SND1: variants seen among roughly 807,000 people sequenced by gnomAD.
SND1 encodes the protein staphylococcal nuclease domain-containing protein 1.
SND1 carries 38 observed loss-of-function variants against 121.7 expected under a neutral mutation model. The ratio of observed to expected loss-of-function variants is 0.31; its 90% confidence interval spans 0.24 to 0.41. The LOEUF is 0.41. Among genes scored for constraint, SND1 ranks in the 10% least tolerant of loss-of-function variants. The pLI is 1.00. For synonymous variants in SND1, 401 were observed against 447.4 expected (o/e 0.90, Z 1.31); for missense variants, 868 against 1,184.6 (o/e 0.73, Z 3.92).
chr7:128,036,615 G>A (rs567343769), intron 16 of SND1, among the ~76,000 whole-genome samples: 6 of 152,302 alleles, frequency 3.9e-5, no homozygotes, highest in Non-Finnish European at 5.9e-5. Context: ...TAGTACAAAC[G>A]GTAAAGAGAT....
chr7:127,732,807 T>A (rs946713980), intron 10 of SND1, among the ~76,000 whole-genome samples: 4 of 152,212 alleles, frequency 2.6e-5, no homozygotes, highest in African/African-American at 9.7e-5. Flanking sequence ...AGTTTGTAGG[T>A]ATTGATTTCA....
intron 15 of SND1, among the ~76,000 whole-genome samples, chr7:127,970,944 TATAAATAA>T (rs139307706): frequency 6.6e-6 from 1 of 151,856 alleles, no homozygotes; most frequent in East Asian, 1.9e-4. Flanking sequence ...ACCCTGTCTC[TATAAATAA>T]ATAAATAAAT....
chr7:128,082,927 G>C (rs1793630537), intron 18 of SND1, among the ~76,000 whole-genome samples: 1 of 152,238 alleles, frequency 6.6e-6, no homozygotes, highest in South Asian at 2.1e-4. Flanking sequence ...GAAAACAAGA[G>C]AAAAGAGAAA....
At chr7:128,081,760 G>A (rs150520332) in intron 18 of SND1, 11 of 633,626 alleles carry the variant, frequency 1.7e-5, no homozygotes, top group African/African-American at 3.6e-5. Flanking sequence ...TCCTCTGGAC[G>A]CAGGTGAGAT....
chr7:127,753,030 G>C (rs1040246675), intron 10 of SND1, among the ~76,000 whole-genome samples: 1 of 152,150 alleles, frequency 6.6e-6, no homozygotes, highest in Non-Finnish European at 1.5e-5. Context: ...ACTCTGGTTT[G>C]TGTGGTTTGG....
chr7:127,817,517 A>AG (rs1343906557), intron 11 of SND1, among the ~76,000 whole-genome samples: 1 of 152,164 alleles, frequency 6.6e-6, no homozygotes, highest in Non-Finnish European at 1.5e-5. Flanking sequence ...ATTTGCCTGC[A>AG]GAAAAAAAAT....
intron 10 of SND1, among the ~76,000 whole-genome samples, chr7:127,752,031 G>A (rs1358417547): frequency 2.0e-5 from 3 of 152,230 alleles, no homozygotes; most frequent in Non-Finnish European, 4.4e-5. Flanking sequence ...ATATCTGATC[G>A]ATGGGGCCAG....
intron 10 of SND1, among the ~76,000 whole-genome samples, chr7:127,738,481 G>A (rs555123091): frequency 5.3e-5 from 8 of 152,016 alleles, no homozygotes; most frequent in South Asian, 2.1e-4. Flanking sequence ...GTTTCACCAC[G>A]TTGGCCAGGC....
chr7:127,984,829 T>G (rs939408608), intron 15 of SND1, among the ~76,000 whole-genome samples: 1 of 152,212 alleles, frequency 6.6e-6, no homozygotes, highest in African/African-American at 2.4e-5. Flanking sequence ...TCACAGATCC[T>G]GGAACCTGAG....
Position 127,860,971 on chromosome 7 carries a change from T to C in SND1, c.1343+16547T>C, listed in dbSNP as rs1222990277. On this transcript the variant is annotated intron_variant, in intron 12 of 23. Coordinates refer to ENST00000354725, the MANE Select transcript of SND1 (RefSeq NM_014390.4). ...AGCCTTACGTATATGAAATTAATAATGTGTATTTTGATGACCAAAGTATAA... is the reference window on the plus strand; with the variant it reads ...AGCCTTACGTATATGAAATTAATAACGTGTATTTTGATGACCAAAGTATAA... Among the ~76,000 whole-genome samples, 5 of 152,194 alleles carry C rather than the reference T, an allele frequency of 3.3e-5. No individual in the cohort carries two copies. In the South Asian group the frequency reaches 8.3e-4, roughly 25 times the overall value.
Position 128,081,402 on chromosome 7 carries a change from C to T in SND1, c.2011C>T (p.Pro671Ser). ...GGAGCAGCCCGTGGAGGAGGTGATGCCAGTGCTGGAGGAGAAGGAGCGATC... is the reference window on the plus strand; with the variant it reads ...GGAGCAGCCCGTGGAGGAGGTGATGTCAGTGCTGGAGGAGAAGGAGCGATC... ...YEEQPVEEVM[P>S]VLEEKERSAS... The change falls in exon 18 of 24, where the codon CCA (proline) becomes TCA (serine). Residue 671 changes from proline (P) to serine (S), a missense_variant. Around this residue, in one of 2 missense-constraint regions of SND1, gnomAD observed 743 missense variants for 1,071.3 expected, o/e 0.69. Transcript: ENST00000354725. 6.2e-7 allele frequency: 1 copy of T among 1,614,166 alleles called. No individual in the cohort carries two copies. The highest frequency in any genetic ancestry group is 1.3e-5 in the African/African-American group (1 of 75,068).
At chr7:127,791,170 G>A (rs1340704401) in intron 10 of SND1, among the ~76,000 whole-genome samples, 2 of 140,312 alleles carry the variant, frequency 1.4e-5, no homozygotes, top group Admixed American at 7.3e-5. Context: ...TTTTGAGGCA[G>A]GGTCTCACTC....
At chr7:127,966,172 G>C (rs562642016) in intron 15 of SND1, among the ~76,000 whole-genome samples, 1 of 151,012 alleles carries the variant, frequency 6.6e-6, no homozygotes, top group South Asian at 2.1e-4. Context: ...TCTTGCTAGC[G>C]GTCTATCAAT....
At chr7:128,045,369 A>C (rs911112289) in intron 16 of SND1, among the ~76,000 whole-genome samples, 1 of 152,172 alleles carries the variant, frequency 6.6e-6, no homozygotes, top group Non-Finnish European at 1.5e-5. Context: ...TGTCATCAGC[A>C]GTCCCTATGG....
At chr7:127,675,015 A>G (rs1795591772) in intron 1 of SND1, among the ~76,000 whole-genome samples, 1 of 152,224 alleles carries the variant, frequency 6.6e-6, no homozygotes, top group African/African-American at 2.4e-5. Context: ...AGTCTGGCCA[A>G]CATAGTGAAA....
intron 11 of SND1, among the ~76,000 whole-genome samples, chr7:127,815,740 T>C (rs1159955391): frequency 3.9e-5 from 6 of 152,084 alleles, no homozygotes; most frequent in Non-Finnish European, 7.4e-5. Flanking sequence ...TTGGAGCTTT[T>C]GGAATTTTGA....
chr7:127,962,488 C>T lies in SND1; in HGVS notation c.1670-28459C>T, dbSNP rs76229429. 1.3e-3 allele frequency among the ~76,000 whole-genome samples: 194 copies of T among 152,266 alleles called. 4 individuals carry two copies. In the East Asian group the frequency reaches 0.03, roughly 24 times the overall value. ...AGTGTATTTCCCCCAAATGGCAAAG[C>T]GTAGGCTTTATCAAATGTAGACATG... On this transcript the variant is annotated intron_variant, in intron 15 of 23. Coordinates refer to ENST00000354725, the MANE Select transcript of SND1 (RefSeq NM_014390.4).
chr7:128,091,567 C>A (rs947632230), intron 22 of SND1, among the ~76,000 whole-genome samples: 1 of 152,084 alleles, frequency 6.6e-6, no homozygotes, highest in Non-Finnish European at 1.5e-5. Flanking sequence ...GATACTTTAT[C>A]ACAGACTGAA....
chr7:127,766,678 G>A (rs778584484), intron 10 of SND1, among the ~76,000 whole-genome samples: 11 of 142,126 alleles, frequency 7.7e-5, no homozygotes, highest in Non-Finnish European at 1.5e-4. Flanking sequence ...AGGAGGCTGA[G>A]GCAGAATGGC....
Sources: gnomAD v4.1 joint callset for allele counts (sites outside exome capture counted in the v4.1 genomes callset) on GRCh38, gnomAD v4.1.1 for gene constraint, gnomAD v4.1.1 regional missense constraint, MANE v1.5 for transcripts, NCBI Gene and HGNC (gene_info 2026-07-23, HGNC 2026-07-21) for gene names.